IGDCC3: variants seen among roughly 807,000 people sequenced by gnomAD.
The protein encoded by IGDCC3 is immunoglobulin superfamily DCC subclass member 3, also known as putative neuronal cell adhesion molecule.
In IGDCC3, 47 loss-of-function variants were observed where a neutral mutation model predicts 72.0. The ratio of observed to expected loss-of-function variants is 0.65; its 90% confidence interval spans 0.52 to 0.83. The LOEUF (loss-of-function observed/expected upper bound fraction) is 0.83. Among genes scored for constraint, IGDCC3 ranks in the 40% least tolerant of loss-of-function variants. The pLI is 0.00. For synonymous variants in IGDCC3, 477 were observed against 472.8 expected (o/e 1.01, Z -0.11); for missense variants, 1,038 against 1,091.3 (o/e 0.95, Z 0.69).
chr15:65,354,190 G>C (rs113415658), intron 2 of IGDCC3, among the ~76,000 whole-genome samples: 3,721 of 152,274 alleles, frequency 0.024, 157 homozygotes, highest in African/African-American at 0.085. Context: ...ATAGCCGTGA[G>C]CCACTGTACC....
Position 65,334,843 on chromosome 15 carries a change from C to CT in IGDCC3, c.707dup (p.Glu237GlyfsTer9), listed in dbSNP as rs1203352712. 1 of 1,613,032 alleles carries CT rather than the reference C, an allele frequency of 6.2e-7. No homozygotes were observed. The highest frequency in any genetic ancestry group is 8.5e-7 in the Non-Finnish European group (1 of 1,179,626). ...CAGGCCCCACGAGGATGGCTGGCTC[C>CT]TTGTAGGCCCCAGAGCCCGAGCCTG... On this transcript the variant is annotated frameshift_variant, in exon 5 of 14. Transcript: ENST00000327987. LOFTEE classifies it high-confidence loss of function.
intron 1 of IGDCC3, among the ~76,000 whole-genome samples, chr15:65,376,306 A>T (rs1367317806): frequency 6.6e-6 from 1 of 152,278 alleles, no homozygotes; most frequent in Non-Finnish European, 1.5e-5. Flanking sequence ...AAGGCCAATC[A>T]GAGAATCAGA....
Position 65,377,603 on chromosome 15 carries a change from C to A in IGDCC3, c.103+83G>T. 7.8e-7 allele frequency: 1 copy of A among 1,282,840 alleles called. No homozygotes were observed. Among genetic ancestry groups the A allele is most frequent in the South Asian group, 2.2e-5 (1 of 46,510 alleles). The allele number at this position is 1,282,840 out of a possible 1,614,324, so 79.5% of individuals were successfully genotyped here. A position where few individuals can be genotyped will look rare whatever the true frequency, so the allele number is the denominator to read the frequency against. Reference sequence around the variant, plus strand: ...CAGGTCCGCGCCGCTCTCCCCGGGTCCGCCCCTCGCGCCCGCTCCCTCCCT... The same window carrying A: ...CAGGTCCGCGCCGCTCTCCCCGGGTACGCCCCTCGCGCCCGCTCCCTCCCT... On this transcript the variant is annotated intron_variant, in intron 1 of 13. Transcript: ENST00000327987. This position sits in a 1 kb window ranked among gnomAD's most constrained non-coding sequence, Gnocchi z 4.9.
At chr15:65,330,265 A>G (rs766227440) in intron 11 of IGDCC3, 28 bp downstream of exon 11, 1 of 1,521,606 alleles carries the variant, frequency 6.6e-7, no homozygotes, top group South Asian at 1.2e-5. Flanking sequence ...CCACCCACTC[A>G]GCCCCGCACT....
rs1472476721 is a variant in IGDCC3, at chr15:65,377,037, C to A, written c.103+649G>T. ...CACACTTCGGGGAAGGGCAGGGGCA[C>A]GTGAGCATCCCCGCGGCTCGCTCGC... is the stretch of plus-strand genomic sequence containing the variant. On this transcript the variant is annotated intron_variant, in intron 1 of 13. Coordinates refer to ENST00000327987, the MANE Select transcript of IGDCC3 (RefSeq NM_004884.4). This position sits in a 1 kb window ranked among gnomAD's most constrained non-coding sequence, Gnocchi z 4.9. Among the ~76,000 whole-genome samples, 1 of 152,096 alleles carries A rather than the reference C, an allele frequency of 6.6e-6. No individual in the cohort carries two copies.
intron 2 of IGDCC3, among the ~76,000 whole-genome samples, chr15:65,369,709 G>A (rs947357032): frequency 6.6e-6 from 1 of 152,056 alleles, no homozygotes; most frequent in Non-Finnish European, 1.5e-5. Flanking sequence ...CACACACCAG[G>A]CCTGAGCAAC....
intron 2 of IGDCC3, among the ~76,000 whole-genome samples, chr15:65,364,158 TA>T (rs1266578697): frequency 6.6e-6 from 1 of 152,310 alleles, no homozygotes; most frequent in African/African-American, 2.4e-5. Context: ...TAAATACTGA[TA>T]GGTTCTCCAG....
chr15:65,330,794 T>A (rs77287158), intron 9 of IGDCC3, 53 bp from the exon 10 acceptor site: 64 of 1,085,734 alleles, frequency 5.9e-5, no homozygotes, highest in Middle Eastern at 3.1e-4. Flanking sequence ...AGCTCTATCT[T>A]TCTACCTTCC....
chr15:65,367,720 CTAATAAA>C, intron 2 of IGDCC3, among the ~76,000 whole-genome samples: 1 of 152,040 alleles, frequency 6.6e-6, no homozygotes, highest in South Asian at 2.1e-4. Context: ...CTTACAGGAC[CTAATAAA>C]ATTATCTATC....
Position 65,377,317 on chromosome 15 carries a change from C to G in IGDCC3, c.103+369G>C, listed in dbSNP as rs10851748. On this transcript the variant is annotated intron_variant, in intron 1 of 13. Coordinates refer to ENST00000327987, the MANE Select transcript of IGDCC3 (RefSeq NM_004884.4). This position sits in a 1 kb window ranked among gnomAD's most constrained non-coding sequence, Gnocchi z 4.9. ...CGGGCTATGTCCACGGCCGGGCACC[C>G]AGCACCCCAGCTCGTCCGCCTCGGT... Among the ~76,000 whole-genome samples, 136,808 of 152,170 alleles carry G rather than the reference C, an allele frequency of 0.9. 61,497 individuals carry two copies. The highest frequency in any genetic ancestry group is 0.95 in the Middle Eastern group (280 of 294).
chr15:65,348,183 A>T (rs2091142115), intron 2 of IGDCC3, among the ~76,000 whole-genome samples: 1 of 152,192 alleles, frequency 6.6e-6, no homozygotes, highest in Non-Finnish European at 1.5e-5. Context: ...GCATATCATC[A>T]AGAAATAACC....
chr15:65,340,096 C>T (rs1041951636), intron 2 of IGDCC3, among the ~76,000 whole-genome samples: 1 of 152,116 alleles, frequency 6.6e-6, no homozygotes, highest in Non-Finnish European at 1.5e-5. Context: ...GTGAGCTTAG[C>T]AATTCACAGG....
At position 65,329,271 on chromosome 15, in the gene IGDCC3, A is replaced by C. The variant is rs572084943; in HGVS notation, c.2205+119T>G. 37 of 1,484,240 alleles carry C rather than the reference A, an allele frequency of 2.5e-5. No homozygotes were observed. In the African/African-American group the frequency reaches 4.9e-4, roughly 20 times the overall value. 91.9% of individuals were successfully genotyped at this position (1,484,240 alleles called of 1,614,324 possible). On this transcript the variant is annotated intron_variant, in intron 13 of 13. Transcript: ENST00000327987. The surrounding 1 kb of genome is among the most constrained non-coding windows in gnomAD (Gnocchi z 4.1). Reference sequence around the variant, plus strand: ...CCTGACTCAGGGACACAAAGAGAAGACCTGCAGTTTGACTAAGGCCAATGA... The same window carrying C: ...CCTGACTCAGGGACACAAAGAGAAGCCCTGCAGTTTGACTAAGGCCAATGA...
At chr15:65,335,985 T>C in intron 2 of IGDCC3, 29 bp from the exon 3 acceptor site, 6 of 1,613,056 alleles carry the variant, frequency 3.7e-6, no homozygotes, top group African/African-American at 1.3e-5. Flanking sequence ...ATGAGTGCAG[T>C]GCGCTGCTGA....
rs374712501 is a variant in IGDCC3 at position 65,331,636 on chromosome 15, C to G, written c.1172G>C (p.Gly391Ala). ...NNSTLTISGI[G>A]PEDEAIYQCV... ...CTGATAAATGGCTTCATCCTCAGGA[C>G]CGATTCCAGAAATGGTCAGTGTGCT... The change falls in exon 8 of 14, where the codon GGT (glycine) becomes GCT (alanine). Residue 391 changes from glycine (G) to alanine (A), a missense_variant. Transcript: ENST00000327987. 1.2e-5 allele frequency: 20 copies of G among 1,609,066 alleles called. No individual in the cohort carries two copies. The highest frequency in any genetic ancestry group is 1.7e-5 in the Non-Finnish European group (20 of 1,176,648).
intron 2 of IGDCC3, among the ~76,000 whole-genome samples, chr15:65,337,579 C>T: frequency 6.6e-6 from 1 of 152,166 alleles, no homozygotes. Flanking sequence ...CCAGGGAGCA[C>T]TGGGAGGTGG....
At chr15:65,354,228 A>G (rs995771936) in intron 2 of IGDCC3, among the ~76,000 whole-genome samples, 9 of 152,156 alleles carry the variant, frequency 5.9e-5, no homozygotes, top group African/African-American at 2.2e-4. Context: ...TTTCTTAATA[A>G]ACTTTGCACT....
intron 2 of IGDCC3, among the ~76,000 whole-genome samples, chr15:65,351,273 A>G (rs1235770153): frequency 6.6e-6 from 1 of 152,256 alleles, no homozygotes; most frequent in Non-Finnish European, 1.5e-5. Context: ...GCAGTGGCTC[A>G]CGCCTGTAAT....
chr15:65,350,191 G>C (rs1208607196), intron 2 of IGDCC3, among the ~76,000 whole-genome samples: 1 of 152,142 alleles, frequency 6.6e-6, no homozygotes, highest in Non-Finnish European at 1.5e-5. Context: ...GAGTGCAGTG[G>C]CTTGATCTTG....
Sources: gnomAD v4.1 joint callset for allele counts (sites outside exome capture counted in the v4.1 genomes callset) on GRCh38, gnomAD v4.1.1 for gene constraint, Gnocchi (gnomAD v3.1) non-coding constraint, MANE v1.5 for transcripts, NCBI Gene and HGNC (gene_info 2026-07-23, HGNC 2026-07-21) for gene names.